Variants in KDM4D observed in about 807,000 individuals in gnomAD.
KDM4D encodes lysine demethylase 4D.
For synonymous variants in KDM4D, 254 were observed against 249.1 expected, an observed-to-expected ratio of 1.02 and a Z score of -0.19; for missense variants, 427 against 674.8, an observed-to-expected ratio of 0.63 and a Z score of 4.07.
At position 94,998,741 on chromosome 11, in the gene KDM4D, C is replaced by T. The variant is rs144086807; in HGVS notation, c.1369C>T (p.Pro457Ser). The change falls in exon 3 of 3, where the codon CCT becomes TCT. Residue 457 changes from proline to serine, a missense_variant. Coordinates refer to ENST00000335080, the MANE Select transcript of KDM4D (RefSeq NM_018039.3). This position sits in a 1 kb window ranked among gnomAD's most constrained non-coding sequence, Gnocchi z 6.7. ...TGGCAGACGTGGTCGTGGTCGCCCT[C>T]CTCAGAAACTGAGAGCTCAGGAGCT... Reference protein sequence around the residue: ...SNGRRGRGRPPQKLRAQELTL... With the variant: ...SNGRRGRGRPSQKLRAQELTL... The T allele has an allele frequency of 1.9e-6, 3 of 1,613,870 alleles. No individual in the cohort carries two copies. The highest frequency in any genetic ancestry group is 2.5e-6 in the Non-Finnish European group (3 of 1,179,776).
At chr11:94,992,014 A>G (rs1289134721) in intron 2 of KDM4D, among the ~76,000 whole-genome samples, 1 of 152,014 alleles carries the variant, frequency 6.6e-6, no homozygotes, top group Non-Finnish European at 1.5e-5. Flanking sequence ...CCACACAATA[A>G]TTTCAAAAGT....
At chr11:94,990,716 G>A (rs1590968124) in intron 2 of KDM4D, among the ~76,000 whole-genome samples, 1 of 152,312 alleles carries the variant, frequency 6.6e-6, no homozygotes, top group African/African-American at 2.4e-5. Context: ...CTGGAAAGTT[G>A]AGTCCTAAAT....
intron 2 of KDM4D, among the ~76,000 whole-genome samples, chr11:94,987,942 GT>G (rs1857902153): frequency 9.3e-5 from 1 of 10,766 alleles, no homozygotes; most frequent in Admixed American, 2.9e-3. Context: ...AGAGGTTGCT[GT>G]CTTAACAGTA....
At chr11:94,982,435 G>C (rs972551526) in intron 2 of KDM4D, among the ~76,000 whole-genome samples, 7 of 151,170 alleles carry the variant, frequency 4.6e-5, no homozygotes, top group Non-Finnish European at 1.0e-4. Flanking sequence ...TCAAAGTTTA[G>C]AGCCACTCTT....
rs587769513 is a variant in KDM4D at position 94,984,619 on chromosome 11, G to A, written c.-350+8871G>A. On this transcript the variant is annotated intron_variant, in intron 2 of 2. Coordinates refer to ENST00000335080, the MANE Select transcript of KDM4D (RefSeq NM_018039.3). ...ACCTCTCATCCCAGCACTTTGGGAA[G>A]CCGAGGAGGGCAGATCACCTGAGGT... Among the ~76,000 whole-genome samples, 5 of 151,200 alleles carry A rather than the reference G, an allele frequency of 3.3e-5. 1 individual carries two copies. In the South Asian group the frequency reaches 1.0e-3, roughly 32 times the overall value.
In KDM4D at chr11:94,998,969, A is replaced by G; in HGVS notation, c.*25A>G. 1 of 1,493,672 alleles carries G rather than the reference A, an allele frequency of 6.7e-7. No individual in the cohort carries two copies. 92.5% of individuals were successfully genotyped at this position (1,493,672 alleles called of 1,614,324 possible). A position where few individuals can be genotyped will look rare whatever the true frequency, so the allele number is the denominator to read the frequency against. On this transcript the variant is annotated 3_prime_UTR_variant, in exon 3 of 3. Transcript: ENST00000335080. This position sits in a 1 kb window ranked among gnomAD's most constrained non-coding sequence, Gnocchi z 6.7. ...AGTCCACGGGCTGTCTTTATATCCCACTGCCCTGCTGTGTGACAGTTTGAT... is the reference window on the plus strand; with the variant it reads ...AGTCCACGGGCTGTCTTTATATCCCGCTGCCCTGCTGTGTGACAGTTTGAT...
At chr11:94,974,585 A>G (rs1344399634) in intron 1 of KDM4D, among the ~76,000 whole-genome samples, 2 of 152,218 alleles carry the variant, frequency 1.3e-5, no homozygotes, top group African/African-American at 4.8e-5. Context: ...AGAGTTCAAG[A>G]TGAAAATCCT....
At chr11:94,986,217 C>A (rs1163878477) in intron 2 of KDM4D, among the ~76,000 whole-genome samples, 2 of 152,128 alleles carry the variant, frequency 1.3e-5, no homozygotes, top group Non-Finnish European at 1.5e-5. Flanking sequence ...ATAGAAATTT[C>A]TCCAAATATA....
In KDM4D at chr11:94,998,144, G is replaced by C; in HGVS notation, c.772G>C (p.Gly258Arg). Reference sequence around the variant, plus strand: ...CTCGCCTACAGTTCTCAAGGAAAATGGGATTCCCTTCAATCGCATAACTCA... The same window carrying C: ...CTCGCCTACAGTTCTCAAGGAAAATCGGATTCCCTTCAATCGCATAACTCA... ...LISPTVLKENGIPFNRITQEA... is the reference protein window; with the variant it reads ...LISPTVLKENRIPFNRITQEA... Residue 258 changes from glycine to arginine, a missense_variant, in exon 3 of 3, where the codon GGG becomes CGG. Gly to Arg is a moderately radical substitution (Grantham distance 125, BLOSUM62 -2). Transcript: ENST00000335080. This position sits in a 1 kb window ranked among gnomAD's most constrained non-coding sequence, Gnocchi z 6.7. 2 of 1,614,168 alleles carry C rather than the reference G, an allele frequency of 1.2e-6. No individual in the cohort carries two copies.
At chr11:94,991,035 TA>T (rs1488437805) in intron 2 of KDM4D, among the ~76,000 whole-genome samples, 5 of 152,342 alleles carry the variant, frequency 3.3e-5, no homozygotes, top group African/African-American at 1.2e-4. Context: ...AATAAGTTGA[TA>T]AAGTGAACTG....
chr11:94,992,795 T>A (rs900758309), intron 2 of KDM4D, among the ~76,000 whole-genome samples: 32 of 152,276 alleles, frequency 2.1e-4, no homozygotes, highest in African/African-American at 6.3e-4. Flanking sequence ...AAAATAGCTG[T>A]CCAATAATAC....
At chr11:94,984,693 TAAAAAA>T (rs35239329) in intron 2 of KDM4D, among the ~76,000 whole-genome samples, 1 of 87,766 alleles carries the variant, frequency 1.1e-5, no homozygotes, top group Admixed American at 1.3e-4. Flanking sequence ...CCATCTCTAC[TAAAAAA>T]AAAAAAAAAA....
chr11:94,998,880 C>A lies in KDM4D; in HGVS notation c.1508C>A (p.Pro503Gln), dbSNP rs782168977. ...EDGALMDKPVPLSPGLQHPVK... is the reference protein window; with the variant it reads ...EDGALMDKPVQLSPGLQHPVK... ...GGGGCTTTGATGGACAAGCCTGTAC[C>A]ACTGAGCCCAGGGCTCCAGCATCCT... The change falls in exon 3 of 3, where the codon CCA (proline) becomes CAA (glutamine). Residue 503 changes from proline (P) to glutamine (Q), a missense_variant. Physicochemically the swap from Pro to Gln is moderately conservative, Grantham distance 76. Coordinates refer to ENST00000335080, the MANE Select transcript of KDM4D (RefSeq NM_018039.3). This position sits in a 1 kb window ranked among gnomAD's most constrained non-coding sequence, Gnocchi z 6.7. 1.3e-6 allele frequency: 2 copies of A among 1,527,200 alleles called. No homozygotes were observed. The highest frequency in any genetic ancestry group is 8.8e-7 in the Non-Finnish European group (1 of 1,137,708). The allele number at this position is 1,527,200 out of a possible 1,614,324, so 94.6% of individuals were successfully genotyped here.
chr11:94,994,396 G>A (rs1471446594), intron 2 of KDM4D, among the ~76,000 whole-genome samples: 3 of 152,030 alleles, frequency 2.0e-5, no homozygotes, highest in Non-Finnish European at 4.4e-5. Flanking sequence ...AGAAAGTTAT[G>A]ACAATAAATA....
At chr11:94,983,678 C>G (rs1857860794) in intron 2 of KDM4D, among the ~76,000 whole-genome samples, 1 of 152,010 alleles carries the variant, frequency 6.6e-6, no homozygotes, top group Admixed American at 6.6e-5. Flanking sequence ...AGAAATAAAT[C>G]AGTGAAAAAT....
chr11:94,996,402 A>G (rs1385186159), intron 2 of KDM4D, among the ~76,000 whole-genome samples: 1 of 152,200 alleles, frequency 6.6e-6, no homozygotes, highest in Admixed American at 6.5e-5. Flanking sequence ...TCTGACTTCA[A>G]ACATAGATTA....
At chr11:94,989,252 A>C (rs1196002142) in intron 2 of KDM4D, among the ~76,000 whole-genome samples, 1 of 152,260 alleles carries the variant, frequency 6.6e-6, no homozygotes, top group Non-Finnish European at 1.5e-5. Flanking sequence ...GGGAGAGTCC[A>C]TGTAAGTCCA....
intron 2 of KDM4D, among the ~76,000 whole-genome samples, chr11:94,989,752 CTTTTTT>C (rs587676047): frequency 1.2e-4 from 15 of 122,826 alleles, no homozygotes; most frequent in Middle Eastern, 5.0e-3. Flanking sequence ...CTCTCTCTTT[CTTTTTT>C]TTTTTTTTTT....
chr11:94,998,211 A>G lies in KDM4D; in HGVS notation c.839A>G (p.His280Arg). ...ATGGTGACCTTTCCCTATGGCTACC[A>G]TGCTGGCTTCAACCATGGTTTCAAC... is the stretch of plus-strand genomic sequence containing the variant. ...EFMVTFPYGY[H>R]AGFNHGFNCA... Residue 280 changes from histidine (H) to arginine (R), a missense_variant, in exon 3 of 3, where the codon CAT (histidine) becomes CGT (arginine). Transcript: ENST00000335080. This position sits in a 1 kb window ranked among gnomAD's most constrained non-coding sequence, Gnocchi z 6.7. 1 of 1,614,200 alleles carries G rather than the reference A, an allele frequency of 6.2e-7. No homozygotes were observed. The highest frequency in any genetic ancestry group is 8.5e-7 in the Non-Finnish European group (1 of 1,180,030).
Sources: gnomAD v4.1 joint callset for allele counts (sites outside exome capture counted in the v4.1 genomes callset) on GRCh38, gnomAD v4.1.1 for gene constraint, Gnocchi (gnomAD v3.1) non-coding constraint, MANE v1.5 for transcripts, NCBI Gene and HGNC (gene_info 2026-07-23, HGNC 2026-07-21) for gene names.